Variants in NELL1 observed in about 807,000 individuals in gnomAD.
NELL1 encodes the protein protein kinase C-binding protein NELL1.
In NELL1, 76 loss-of-function variants were observed where a neutral mutation model predicts 107.4. That is an observed-to-expected ratio of 0.71 (90% CI 0.59 to 0.86). NELL1 has a LOEUF of 0.86. NELL1 is among the 40% of genes least tolerant of loss of function. NELL1 has a pLI of 0.00. For missense variants in NELL1, 1,024 were observed against 1,005.5 expected (o/e 1.02, Z -0.25); for synonymous variants, 353 against 341.2 (o/e 1.03, Z -0.38).
intron 14 of NELL1, among the ~76,000 whole-genome samples, chr11:21,250,379 C>A (rs1858607467): frequency 1.3e-5 from 2 of 152,162 alleles, no homozygotes; most frequent in South Asian, 4.1e-4. Context: ...CAGTTTAGGG[C>A]TATGACACAG....
At chr11:21,172,580 A>G (rs1856630142) in intron 13 of NELL1, among the ~76,000 whole-genome samples, 1 of 151,590 alleles carries the variant, frequency 6.6e-6, no homozygotes, top group South Asian at 2.1e-4. Flanking sequence ...TCTAGTCCTG[A>G]GTGTATACCA....
chr11:21,043,008 T>C (rs1041609449), intron 12 of NELL1, among the ~76,000 whole-genome samples: 6 of 152,288 alleles, frequency 3.9e-5, no homozygotes, highest in African/African-American at 1.4e-4. Flanking sequence ...CTTCTGGAAT[T>C]GCAATAAGCA....
At chr11:21,478,561 A>T (rs2133896088) in intron 15 of NELL1, among the ~76,000 whole-genome samples, 1 of 152,294 alleles carries the variant, frequency 6.6e-6, no homozygotes, top group African/African-American at 2.4e-5. Flanking sequence ...CTAAGACCTC[A>T]AATTATGAAA....
At chr11:20,677,395 C>T (rs2133850027) in intron 1 of NELL1, among the ~76,000 whole-genome samples, 1 of 152,244 alleles carries the variant, frequency 6.6e-6, no homozygotes, top group Non-Finnish European at 1.5e-5. Flanking sequence ...CAGTCACCAC[C>T]TCTATAAAGC....
At chr11:21,076,815 C>G (rs1854147381) in intron 12 of NELL1, among the ~76,000 whole-genome samples, 1 of 151,962 alleles carries the variant, frequency 6.6e-6, no homozygotes, top group African/African-American at 2.4e-5. Context: ...TGGCACCTCC[C>G]CATCTTTCTC....
intron 14 of NELL1, among the ~76,000 whole-genome samples, chr11:21,311,789 C>T (rs375469151): frequency 4.7e-4 from 72 of 152,260 alleles, no homozygotes; most frequent in African/African-American, 1.6e-3. Flanking sequence ...CTCTCAAACT[C>T]AGAGGTATTA....
At chr11:21,008,481 CAG>C (rs1852376729) in intron 12 of NELL1, among the ~76,000 whole-genome samples, 1 of 152,028 alleles carries the variant, frequency 6.6e-6, no homozygotes, top group African/African-American at 2.4e-5. Context: ...GGGATCTAGT[CAG>C]ACTGGGACAG....
At chr11:21,209,530 T>A in intron 13 of NELL1, among the ~76,000 whole-genome samples, 1 of 151,918 alleles carries the variant, frequency 6.6e-6, no homozygotes. Context: ...CTTCTTAACA[T>A]ATGGACAGAG....
chr11:21,552,063 C>T (rs1234117484), intron 16 of NELL1, among the ~76,000 whole-genome samples: 1 of 144,176 alleles, frequency 6.9e-6, no homozygotes, highest in African/African-American at 2.6e-5. Flanking sequence ...TGCATATTCT[C>T]ACTCATAGGT....
intron 16 of NELL1, among the ~76,000 whole-genome samples, chr11:21,540,782 C>CAACA (rs1856273244): frequency 2.6e-5 from 4 of 152,064 alleles, no homozygotes; most frequent in South Asian, 4.1e-4. Flanking sequence ...GCCCCTCCTC[C>CAACA]AACACTGGAG....
At chr11:20,699,946 A>AT (rs1303905660) in intron 2 of NELL1, among the ~76,000 whole-genome samples, 2 of 152,082 alleles carry the variant, frequency 1.3e-5, no homozygotes, top group African/African-American at 4.8e-5. Flanking sequence ...AACACCTATA[A>AT]TTTTTTAGTT....
chr11:21,151,741 T>C (rs1221446962), intron 13 of NELL1, among the ~76,000 whole-genome samples: 1 of 152,232 alleles, frequency 6.6e-6, no homozygotes, highest in Non-Finnish European at 1.5e-5. Context: ...TGAATTTGCT[T>C]AACCTTTCTA....
intron 15 of NELL1, among the ~76,000 whole-genome samples, chr11:21,421,264 A>T (rs7105144): frequency 0.029 from 4,364 of 152,218 alleles, 217 homozygotes; most frequent in African/African-American, 0.097. Context: ...AATCTTTCTG[A>T]CGTAACTATT....
intron 12 of NELL1, among the ~76,000 whole-genome samples, chr11:21,082,918 T>C (rs374558285): frequency 4.1e-4 from 63 of 152,338 alleles, no homozygotes; most frequent in African/African-American, 1.3e-3. Context: ...TTGCTACTCT[T>C]TATTTTTCCT....
chr11:20,975,089 A>G (rs1851577371), intron 12 of NELL1, among the ~76,000 whole-genome samples: 1 of 151,940 alleles, frequency 6.6e-6, no homozygotes, highest in Admixed American at 6.6e-5. Flanking sequence ...GCTCACTGCA[A>G]ACTCCACCTC....
At chr11:20,934,188 G>A (rs750701113) in intron 9 of NELL1, among the ~76,000 whole-genome samples, 39 of 152,194 alleles carry the variant, frequency 2.6e-4, no homozygotes, top group Non-Finnish European at 4.7e-4. Context: ...TGGCAGGGAA[G>A]GAGGGCTGTT....
At chr11:20,726,380 C>T (rs1439075752) in intron 2 of NELL1, among the ~76,000 whole-genome samples, 1 of 152,022 alleles carries the variant, frequency 6.6e-6, no homozygotes, top group Admixed American at 6.6e-5. Context: ...AAAGTGAATA[C>T]AACTGTATAG....
intron 12 of NELL1, among the ~76,000 whole-genome samples, chr11:21,028,534 A>G (rs997003441): frequency 6.6e-6 from 1 of 152,272 alleles, no homozygotes; most frequent in Admixed American, 6.5e-5. Context: ...AAAGCAGTTT[A>G]ATTAATATAT....
At chr11:21,053,820 A>C (rs1329089791) in intron 12 of NELL1, among the ~76,000 whole-genome samples, 1 of 152,154 alleles carries the variant, frequency 6.6e-6, no homozygotes, top group Admixed American at 6.6e-5. Flanking sequence ...TTTACACTAG[A>C]TCTCCTTCAG....
Sources: gnomAD v4.1 joint callset for allele counts (sites outside exome capture counted in the v4.1 genomes callset) on GRCh38, gnomAD v4.1.1 for gene constraint, MANE v1.5 for transcripts, NCBI Gene and HGNC (gene_info 2026-07-23, HGNC 2026-07-21) for gene names.